The following GPC5 variants were observed in gnomAD, a reference collection of about 807,000 sequenced individuals.
The protein encoded by GPC5 is glypican 5, also known as glypican-5.
GPC5 carries 47 observed loss-of-function variants against 53.9 expected under a neutral mutation model. That is an observed-to-expected ratio of 0.87 (90% CI 0.69 to 1.11). The LOEUF (loss-of-function observed/expected upper bound fraction) is 1.11, where lower values mean the gene tolerates loss of function less well. Ranked by LOEUF, GPC5 falls within the 50% of genes most tolerant of loss-of-function variation. The pLI, the probability that GPC5 is intolerant of heterozygous loss-of-function variation, is 0.00. For synonymous variants in GPC5, 286 were observed against 263.3 expected, an observed-to-expected ratio of 1.09 and a Z score of -0.84; for missense variants, 748 against 713.1, an observed-to-expected ratio of 1.05 and a Z score of -0.56.
chr13:91,627,559 C>A (rs1034340292), intron 2 of GPC5, among the ~76,000 whole-genome samples: 3 of 151,990 alleles, frequency 2.0e-5, no homozygotes, highest in African/African-American at 2.4e-5. Flanking sequence ...CTCAGTAGTA[C>A]AGACTCTAAA....
chr13:92,616,173 A>G (rs1884685531), intron 7 of GPC5, among the ~76,000 whole-genome samples: 1 of 152,248 alleles, frequency 6.6e-6, no homozygotes, highest in African/African-American at 2.4e-5. Flanking sequence ...TTCCCCAGTA[A>G]AATAGAATAA....
At chr13:92,705,500 T>G (rs1352189036) in intron 7 of GPC5, among the ~76,000 whole-genome samples, 2 of 152,108 alleles carry the variant, frequency 1.3e-5, no homozygotes, top group African/African-American at 4.8e-5. Context: ...ACAGCAGAAT[T>G]TAAAGACATA....
At chr13:92,750,226 A>G (rs1889346649) in intron 7 of GPC5, among the ~76,000 whole-genome samples, 1 of 152,148 alleles carries the variant, frequency 6.6e-6, no homozygotes, top group African/African-American at 2.4e-5. Flanking sequence ...TCTAGAAAAA[A>G]AAGTTTTCTC....
intron 7 of GPC5, among the ~76,000 whole-genome samples, chr13:92,521,690 G>T (rs1055205175): frequency 6.6e-6 from 1 of 152,018 alleles, no homozygotes; most frequent in African/African-American, 2.4e-5. Flanking sequence ...GAAAACCTAG[G>T]CAATACCATT....
chr13:92,705,662 A>C (rs1887923483), intron 7 of GPC5, among the ~76,000 whole-genome samples: 1 of 152,142 alleles, frequency 6.6e-6, no homozygotes, highest in African/African-American at 2.4e-5. Context: ...AAAAATTTAA[A>C]ATTATATATG....
intron 3 of GPC5, among the ~76,000 whole-genome samples, chr13:91,726,264 A>G (rs1243676802): frequency 2.0e-5 from 3 of 152,168 alleles, no homozygotes; most frequent in African/African-American, 7.2e-5. Context: ...ACTCATGAAC[A>G]CTGTCACTAC....
chr13:91,432,213 G>GC (rs1388666612), intron 1 of GPC5, among the ~76,000 whole-genome samples: 41 of 125,486 alleles, frequency 3.3e-4, no homozygotes, highest in African/African-American at 1.5e-3. Flanking sequence ...CTGTGTGTGT[G>GC]TGTGTGTGTG....
At chr13:92,281,933 A>G (rs2042918464) in intron 7 of GPC5, among the ~76,000 whole-genome samples, 3 of 152,190 alleles carry the variant, frequency 2.0e-5, no homozygotes, top group Admixed American at 2.0e-4. Context: ...AAGGCTTCAG[A>G]CGATCAAACT....
intron 7 of GPC5, among the ~76,000 whole-genome samples, chr13:92,347,889 TA>T (rs1566549858): frequency 4.9e-5 from 1 of 20,562 alleles, no homozygotes; most frequent in East Asian, 1.4e-3. Flanking sequence ...ATATTATATA[TA>T]TTATATATAT....
intron 7 of GPC5, among the ~76,000 whole-genome samples, chr13:92,444,763 G>C (rs979742507): frequency 4.3e-5 from 6 of 138,440 alleles, no homozygotes; most frequent in Admixed American, 2.2e-4. Flanking sequence ...GGGATGGGTA[G>C]AGAAAGAAAG....
At chr13:92,357,388 G>C (rs2043531259) in intron 7 of GPC5, among the ~76,000 whole-genome samples, 1 of 151,588 alleles carries the variant, frequency 6.6e-6, no homozygotes, top group Non-Finnish European at 1.5e-5. Context: ...GTTACTTTTT[G>C]ACTTTTTAAG....
intron 7 of GPC5, among the ~76,000 whole-genome samples, chr13:92,828,923 G>A (rs1594534139): frequency 6.6e-6 from 1 of 152,088 alleles, no homozygotes; most frequent in African/African-American, 2.4e-5. Flanking sequence ...TACACGAAAA[G>A]CTTAGACTTC....
At chr13:92,445,694 T>A (rs1208257587) in intron 7 of GPC5, among the ~76,000 whole-genome samples, 1 of 151,866 alleles carries the variant, frequency 6.6e-6, no homozygotes, top group East Asian at 1.9e-4. Flanking sequence ...ATGTGCCACA[T>A]TTTCTTAATC....
At chr13:92,540,908 G>C (rs1175545308) in intron 7 of GPC5, among the ~76,000 whole-genome samples, 1 of 151,810 alleles carries the variant, frequency 6.6e-6, no homozygotes, top group African/African-American at 2.4e-5. Context: ...TACCTCATTG[G>C]GTGAAGTATG....
intron 7 of GPC5, among the ~76,000 whole-genome samples, chr13:92,781,014 C>T (rs1226417530): frequency 6.6e-6 from 1 of 152,106 alleles, no homozygotes; most frequent in Admixed American, 6.5e-5. Flanking sequence ...AATGTGTCCT[C>T]ATACATGTAC....
At chr13:92,656,360 A>C (rs1209682883) in intron 7 of GPC5, among the ~76,000 whole-genome samples, 1 of 152,204 alleles carries the variant, frequency 6.6e-6, no homozygotes, top group Non-Finnish European at 1.5e-5. Flanking sequence ...TAATCAGCAA[A>C]GTTTAGGGAT....
chr13:92,109,127 C>A (rs2041535758), intron 6 of GPC5, among the ~76,000 whole-genome samples: 1 of 134,704 alleles, frequency 7.4e-6, no homozygotes. Flanking sequence ...AGTGCAGTGG[C>A]ACAATCTCGG....
chr13:92,387,737 C>A (rs943617769), intron 7 of GPC5, among the ~76,000 whole-genome samples: 3 of 152,078 alleles, frequency 2.0e-5, no homozygotes, highest in African/African-American at 7.2e-5. Context: ...TCTAACTCTA[C>A]CATCAAACTA....
intron 7 of GPC5, among the ~76,000 whole-genome samples, chr13:92,731,765 C>G (rs1270023850): frequency 6.6e-6 from 1 of 151,296 alleles, no homozygotes; most frequent in African/African-American, 2.4e-5. Context: ...AATAATAGAT[C>G]TCATCTCAAG....
Sources: allele counts gnomAD v4.1 joint callset (sites outside exome capture counted in the v4.1 genomes callset), GRCh38; gene constraint gnomAD v4.1.1; transcripts MANE v1.5; gene names NCBI Gene and HGNC (gene_info 2026-07-23, HGNC 2026-07-21).